Variants in TRAF3IP1 observed in about 807,000 individuals in gnomAD.
TRAF3IP1 encodes the protein TRAF3-interacting protein 1.
TRAF3IP1 carries 53 observed loss-of-function variants against 89.9 expected under a neutral mutation model. That is an observed-to-expected ratio of 0.59 (90% CI 0.47 to 0.74). The LOEUF (loss-of-function observed/expected upper bound fraction) is 0.74, where lower values mean the gene tolerates loss of function less well. TRAF3IP1 is among the 30% of genes least tolerant of loss of function. The probability of loss-of-function intolerance (pLI) is 0.00; values close to 1 mark genes in which losing one functional copy is unlikely to be tolerated. For synonymous variants in TRAF3IP1, 311 were observed against 322.1 expected (o/e 0.97, Z 0.37); for missense variants, 806 against 866.1 (o/e 0.93, Z 0.87).
Position 238,320,705 on chromosome 2 carries a change from A to G in TRAF3IP1, c.43A>G (p.Lys15Glu). ...GAGGCGGACGCAGGAGGCGCTGGGG[A>G]AAGTGATTCGGAGGCCGCCGCTGAC... ...VVRRTQEALGKVIRRPPLTEK... is the reference protein window; with the variant it reads ...VVRRTQEALGEVIRRPPLTEK... The change falls in exon 1 of 17, where the codon AAA becomes GAA. Residue 15 changes from lysine to glutamate, a missense_variant. Lys to Glu is a moderately conservative substitution (Grantham distance 56, BLOSUM62 1). Transcript: ENST00000373327. 2.1e-6 allele frequency: 3 copies of G among 1,439,776 alleles called. No individual in the cohort carries two copies. The highest frequency in any genetic ancestry group is 2.8e-6 in the Non-Finnish European group (3 of 1,084,288). The allele number at this position is 1,439,776 out of a possible 1,614,324, so 89.2% of individuals were successfully genotyped here. A position where few individuals can be genotyped will look rare whatever the true frequency, so the allele number is the denominator to read the frequency against.
At chr2:238,378,688 C>T (rs959273751) in intron 15 of TRAF3IP1, among the ~76,000 whole-genome samples, 9 of 152,084 alleles carry the variant, frequency 5.9e-5, no homozygotes, top group African/African-American at 1.9e-4. Flanking sequence ...TAATTTGGGA[C>T]CCTGCGTTTT....
intron 15 of TRAF3IP1, among the ~76,000 whole-genome samples, chr2:238,390,004 G>A (rs751736373): frequency 3.3e-5 from 5 of 152,206 alleles, no homozygotes; most frequent in Middle Eastern, 3.2e-3. Flanking sequence ...TGAAAAGTGT[G>A]TGCGCACGTG....
Position 238,356,062 on chromosome 2 carries a change from AC to A in TRAF3IP1, c.1674del (p.Lys559AsnfsTer25). ...AAGATTATGAGAAATTGCAGCAGTC[AC>A]CCAAACCTGGGGAGAAGGTAATGGA... ...KKDYEKLQQS[P>X]KPGEKERSLF... is the part of the protein sequence containing the mutation. On this transcript the variant is annotated frameshift_variant, in exon 15 of 17. Transcript: ENST00000373327. LOFTEE classifies it high-confidence loss of function. 6.2e-7 allele frequency: 1 copy of A among 1,613,756 alleles called. No individual in the cohort carries two copies. Among genetic ancestry groups the A allele is most frequent in the East Asian group, 2.2e-5 (1 of 44,876 alleles).
chr2:238,327,938 A>G (rs1162616945), intron 3 of TRAF3IP1, among the ~76,000 whole-genome samples: 1 of 152,226 alleles, frequency 6.6e-6, no homozygotes, highest in East Asian at 1.9e-4. Flanking sequence ...TTAGGGCTGA[A>G]TAATATTCCA....
At chr2:238,324,635 T>C (rs918053942) in intron 1 of TRAF3IP1, among the ~76,000 whole-genome samples, 1 of 152,060 alleles carries the variant, frequency 6.6e-6, no homozygotes, top group Non-Finnish European at 1.5e-5. Context: ...AGACGGAGTC[T>C]GGCTCTGTCG....
At chr2:238,389,343 C>G (rs934647389) in intron 15 of TRAF3IP1, among the ~76,000 whole-genome samples, 7 of 151,978 alleles carry the variant, frequency 4.6e-5, no homozygotes, top group African/African-American at 1.7e-4. Context: ...AATGTTGCAC[C>G]CAGTGGGTAA....
At chr2:238,361,511 A>G (rs914098760) in intron 15 of TRAF3IP1, among the ~76,000 whole-genome samples, 2 of 151,888 alleles carry the variant, frequency 1.3e-5, no homozygotes, top group African/African-American at 4.8e-5. Flanking sequence ...TTTCACGTCT[A>G]GGTCTCTGCG....
intron 15 of TRAF3IP1, among the ~76,000 whole-genome samples, chr2:238,390,608 C>T (rs559525244): frequency 5.3e-4 from 81 of 152,274 alleles, no homozygotes; most frequent in African/African-American, 1.9e-3. Context: ...CATGCCTTGT[C>T]CTGGGGGCAC....
intron 15 of TRAF3IP1, among the ~76,000 whole-genome samples, chr2:238,381,980 G>T (rs1242679431): frequency 6.6e-6 from 1 of 152,298 alleles, no homozygotes; most frequent in East Asian, 1.9e-4. Flanking sequence ...AGAAGCACAC[G>T]GATGTGATCA....
intron 15 of TRAF3IP1, among the ~76,000 whole-genome samples, chr2:238,392,967 G>A (rs1701059411): frequency 6.6e-6 from 1 of 152,216 alleles, no homozygotes; most frequent in Admixed American, 6.5e-5. Flanking sequence ...CACGGGGGTT[G>A]TTTCCAGTTT....
intron 12 of TRAF3IP1, 114 bp from the exon 13 acceptor site, chr2:238,352,713 A>G: frequency 9.5e-7 from 1 of 1,050,200 alleles, no homozygotes; most frequent in Non-Finnish European, 1.4e-6. Flanking sequence ...ATGCTGTTCT[A>G]GCTAGAGATG....
intron 15 of TRAF3IP1, among the ~76,000 whole-genome samples, chr2:238,383,223 C>T (rs1481959203): frequency 6.6e-6 from 1 of 152,196 alleles, no homozygotes; most frequent in African/African-American, 2.4e-5. Context: ...TGGGGCTCCT[C>T]TTCCATTCCC....
In TRAF3IP1 at chr2:238,382,615, G is replaced by A. The variant is rs550302582; in HGVS notation, c.1690-14844G>A. 2.6e-5 allele frequency among the ~76,000 whole-genome samples: 4 copies of A among 152,034 alleles called. No homozygotes were observed. In the South Asian group the frequency reaches 6.2e-4, roughly 24 times the overall value. ...GCAGGCCTTTTCCTGGGAGCGGCAC[G>A]TCTTCCCTTGGCACCCCATAGATGT... On this transcript the variant is annotated intron_variant, in intron 15 of 16. Coordinates refer to ENST00000373327, the MANE Select transcript of TRAF3IP1 (RefSeq NM_015650.4).
chr2:238,397,551 C>T lies in TRAF3IP1; in HGVS notation c.1782C>T (p.Cys594=). ...EKLRTSIQTL[C]KSALPLGKIM... is the part of the protein sequence containing the mutation. ...TCCGCACGTCCATCCAGACCCTGTGCAAGAGCGCACTTCCCCTGGGGAAGA... is the reference window on the plus strand; with the variant it reads ...TCCGCACGTCCATCCAGACCCTGTGTAAGAGCGCACTTCCCCTGGGGAAGA... The change falls in exon 16 of 17, where the codon TGC becomes TGT. Residue 594 remains cysteine (C), a synonymous_variant. Transcript: ENST00000373327. 2 of 1,613,068 alleles carry T rather than the reference C, an allele frequency of 1.2e-6. No homozygotes were observed. The highest frequency in any genetic ancestry group is 8.5e-7 in the Non-Finnish European group (1 of 1,179,952).
intron 8 of TRAF3IP1, 59 bp from the exon 9 acceptor site, chr2:238,344,438 T>C: frequency 1.5e-6 from 2 of 1,366,320 alleles, no homozygotes; most frequent in Admixed American, 3.5e-5. Context: ...ATGAAGCCGC[T>C]GATCACCGGC....
intron 11 of TRAF3IP1, 77 bp from the exon 12 acceptor site, chr2:238,349,248 A>G (rs1021341491): frequency 7.3e-6 from 10 of 1,361,560 alleles, no homozygotes; most frequent in Non-Finnish European, 2.0e-6. Context: ...GTTAACATTC[A>G]CCTGGGCTTT....
intron 15 of TRAF3IP1, among the ~76,000 whole-genome samples, chr2:238,377,412 C>T (rs1700366671): frequency 6.6e-6 from 1 of 151,670 alleles, no homozygotes; most frequent in Admixed American, 6.6e-5. Flanking sequence ...TAGGTTCCCC[C>T]CCCACTGTGG....
At chr2:238,334,419 T>C (rs1698287006) in intron 7 of TRAF3IP1, among the ~76,000 whole-genome samples, 1 of 152,258 alleles carries the variant, frequency 6.6e-6, no homozygotes, top group African/African-American at 2.4e-5. Flanking sequence ...AGGCAGATAA[T>C]GTTTATGTGT....
intron 12 of TRAF3IP1, 33 bp downstream of exon 12, chr2:238,349,441 C>T (rs1189076090): frequency 4.4e-6 from 7 of 1,602,870 alleles, no homozygotes; most frequent in Non-Finnish European, 6.0e-6. Flanking sequence ...GTTCCAGCCA[C>T]ACAGTGTGTT....
Sources: allele counts gnomAD v4.1 joint callset (sites outside exome capture counted in the v4.1 genomes callset), GRCh38; gene constraint gnomAD v4.1.1; transcripts MANE v1.5; gene names NCBI Gene and HGNC (gene_info 2026-07-23, HGNC 2026-07-21).